Variants in ADGRG1 observed in about 807,000 individuals in gnomAD.
The protein encoded by ADGRG1 is adhesion G protein-coupled receptor G1, also known as 7-transmembrane protein with no EGF-like N-terminal domains-1.
A neutral mutation model predicts 73.5 loss-of-function variants in ADGRG1; 53 were observed. The observed-to-expected ratio is 0.72, with a 90% confidence interval of 0.58 to 0.91. ADGRG1 has a LOEUF of 0.91. Among genes scored for constraint, ADGRG1 ranks in the 40% least tolerant of loss-of-function variants. ADGRG1 has a pLI of 0.00. For missense variants in ADGRG1, 795 were observed against 871.8 expected, an observed-to-expected ratio of 0.91 and a Z score of 1.11; for synonymous variants, 394 against 374.4, an observed-to-expected ratio of 1.05 and a Z score of -0.60.
chr16:57,654,527 C>G (rs1266240522), intron 5 of ADGRG1, among the ~76,000 whole-genome samples: 4 of 151,102 alleles, frequency 2.6e-5, no homozygotes, highest in African/African-American at 7.3e-5. Flanking sequence ...AAGCGATTCT[C>G]CCACTTCAGC....
chr16:57,656,014 A>G (rs371380903), intron 7 of ADGRG1, 22 bp downstream of exon 7: 9 of 1,613,820 alleles, frequency 5.6e-6, no homozygotes, highest in African/African-American at 5.3e-5. Flanking sequence ...CCAGCCATCA[A>G]GAGAACAAGC....
intron 1 of ADGRG1, chr16:57,637,653 C>T: frequency 1.0e-6 from 1 of 985,400 alleles, no homozygotes; most frequent in Non-Finnish European, 1.2e-6. Context: ...AAAATAGGGC[C>T]TGAATGGGAC....
At chr16:57,653,951 C>T (rs771911349) in intron 4 of ADGRG1, 35 bp from the exon 5 acceptor site, 3 of 1,613,116 alleles carry the variant, frequency 1.9e-6, no homozygotes, top group Admixed American at 3.3e-5. Flanking sequence ...CCGGCCCCCT[C>T]CCCACCATCA....
intron 1 of ADGRG1, chr16:57,635,362 T>C: frequency 1.0e-6 from 1 of 985,382 alleles, no homozygotes; most frequent in Non-Finnish European, 1.2e-6. Flanking sequence ...GCACACGGTC[T>C]GTCCTCCAGC....
intron 1 of ADGRG1, 176 bp downstream of exon 1, chr16:57,628,978 GAGTGAGTGAGAA>G: frequency 6.2e-6 from 2 of 321,358 alleles, no homozygotes; most frequent in Non-Finnish European, 7.5e-6. Flanking sequence ...GAGTGTGTGA[GAGTGAGTGAGAA>G]TGTGAGTGTG....
At chr16:57,641,521 T>C in intron 1 of ADGRG1, 1 of 985,406 alleles carries the variant, frequency 1.0e-6, no homozygotes. Context: ...CTAATCCCTG[T>C]TTCTCCTTTA....
At chr16:57,651,749 G>A (rs1296751038) in intron 3 of ADGRG1, 127 bp downstream of exon 3, 23 of 1,505,120 alleles carry the variant, frequency 1.5e-5, no homozygotes, top group Middle Eastern at 2.3e-4. Flanking sequence ...AGGCACTGGG[G>A]AGCCAGTGAA....
At position 57,651,201 on chromosome 16, in the gene ADGRG1, T is replaced by G. The variant is rs369887735; in HGVS notation, c.66T>G (p.Gly22=). The G allele has an allele frequency of 3.6e-4, 578 of 1,614,008 alleles. 15 individuals are homozygous for G. In the South Asian group the frequency reaches 6.1e-3, roughly 17 times the overall value. ...CATCTGCAGCCTCTGCCTCCTCAGGTGCCCACGGCAGGGGCCACAGGGAAG... is the reference window on the plus strand; with the variant it reads ...CATCTGCAGCCTCTGCCTCCTCAGGGGCCCACGGCAGGGGCCACAGGGAAG... ...FLLSLLFLVQ[G]AHGRGHREDF... is the part of the protein sequence containing the mutation. Residue 22 remains glycine, a splice_region_variant and synonymous_variant, in exon 3 of 14, where the codon GGT becomes GGG. Transcript: ENST00000562631.
At chr16:57,628,879 T>TGTGTGA (rs1567666956) in intron 1 of ADGRG1, 77 bp downstream of exon 1, 1 of 800,828 alleles carries the variant, frequency 1.2e-6, no homozygotes, top group African/African-American at 2.0e-5. Context: ...TGAGCGTGAG[T>TGTGTGA]GTGTGAGAGT....
At chr16:57,637,368 G>A in intron 1 of ADGRG1, 1 of 985,010 alleles carries the variant, frequency 1.0e-6, no homozygotes, top group Non-Finnish European at 1.2e-6. Context: ...TAGGGACTAT[G>A]GGTGGGGCTG....
intron 1 of ADGRG1, chr16:57,644,112 C>A: frequency 2.0e-6 from 2 of 985,066 alleles, no homozygotes; most frequent in Non-Finnish European, 1.2e-6. Context: ...TGTGCCCCGC[C>A]CTCCCTGTCC....
intron 1 of ADGRG1, among the ~76,000 whole-genome samples, chr16:57,644,412 ACACACACTCGT>A (rs1451008837): frequency 4.0e-5 from 6 of 149,458 alleles, no homozygotes; most frequent in African/African-American, 1.0e-4. Context: ...ATGCATGGGC[ACACACACTCGT>A]CACACACTCC....
intron 1 of ADGRG1, chr16:57,636,771 G>A: frequency 1.1e-6 from 1 of 881,628 alleles, no homozygotes; most frequent in Non-Finnish European, 1.4e-6. Flanking sequence ...CAGGCACTGT[G>A]CTAGGTACTG....
intron 1 of ADGRG1, chr16:57,646,360 T>TG: frequency 1.3e-6 from 1 of 781,706 alleles, no homozygotes. Context: ...GGGGATGGGC[T>TG]GGTGGTGGGG....
chr16:57,663,258 A>G (rs1195113435), intron 13 of ADGRG1, 194 bp from the exon 14 acceptor site: 1 of 910,762 alleles, frequency 1.1e-6, no homozygotes, highest in Non-Finnish European at 1.3e-6. Context: ...TGACAGTGAG[A>G]GGCCACACGG....
At position 57,646,791 on chromosome 16, in the gene ADGRG1, C is replaced by G. The variant is rs62036131; in HGVS notation, c.-35-3462C>G. On this transcript the variant is annotated intron_variant, in intron 1 of 13. Transcript: ENST00000562631. ...TCTGTAAAATGGTAGCAGTGAGACC[C>G]GTATCACAGGGTGGTTCTGAGGGTT... 42 of 835,076 alleles carry G rather than the reference C, an allele frequency of 5.0e-5. No individual in the cohort carries two copies. In the East Asian group the frequency reaches 3.7e-3, roughly 73 times the overall value. 51.7% of individuals were successfully genotyped at this position (835,076 alleles called of 1,614,324 possible).
chr16:57,659,111 C>A, intron 10 of ADGRG1: 3 of 985,286 alleles, frequency 3.0e-6, no homozygotes, highest in Non-Finnish European at 3.6e-6. Context: ...CAAAGTGTTT[C>A]CGCTCTGACT....
upstream of ADGRG1, chr16:57,627,093 A>G (rs992086964): frequency 3.1e-6 from 3 of 982,700 alleles, no homozygotes; most frequent in African/African-American, 5.3e-5. Flanking sequence ...GGAAGCTCTC[A>G]CCTTATGGCC....
chr16:57,644,004 T>A (rs2041555270), intron 1 of ADGRG1: 1 of 985,138 alleles, frequency 1.0e-6, no homozygotes, highest in African/African-American at 1.7e-5. Flanking sequence ...AGATTTACTT[T>A]TATTAAAAAA....
Sources: allele counts gnomAD v4.1 joint callset (sites outside exome capture counted in the v4.1 genomes callset), GRCh38; gene constraint gnomAD v4.1.1; transcripts MANE v1.5; gene names NCBI Gene and HGNC (gene_info 2026-07-23, HGNC 2026-07-21).